SCARA3: variants seen among roughly 807,000 people sequenced by gnomAD.
SCARA3 encodes the protein scavenger receptor class A member 3.
A neutral mutation model predicts 47.0 loss-of-function variants in SCARA3; 39 were observed. The ratio of observed to expected loss-of-function variants is 0.83; its 90% confidence interval spans 0.64 to 1.08. The LOEUF (loss-of-function observed/expected upper bound fraction) is 1.08. Among genes scored for constraint, SCARA3 ranks in the 50% least tolerant of loss-of-function variants. The probability of loss-of-function intolerance (pLI) is 0.00; values close to 1 mark genes in which losing one functional copy is unlikely to be tolerated. For synonymous variants in SCARA3, 356 were observed against 334.1 expected (o/e 1.07, Z -0.71); for missense variants, 724 against 792.3 (o/e 0.91, Z 1.04).
At chr8:27,669,540 T>C (rs1433395248) in intron 5 of SCARA3, among the ~76,000 whole-genome samples, 5 of 152,252 alleles carry the variant, frequency 3.3e-5, no homozygotes, top group Non-Finnish European at 4.4e-5. Flanking sequence ...CCGGCTTCTC[T>C]GAGGCCAGGC....
the SCARA3 span, among the ~76,000 whole-genome samples, chr8:27,685,105 A>G: frequency 1.2e-4 from 18 of 152,334 alleles, no homozygotes; most frequent in Middle Eastern, 3.4e-3. Flanking sequence ...ATTGATCAAG[A>G]AAATGAAAAA....
chr8:27,687,957 A>G, the SCARA3 span, among the ~76,000 whole-genome samples: 2 of 152,158 alleles, frequency 1.3e-5, no homozygotes, highest in Admixed American at 1.3e-4. Flanking sequence ...CGGAGGTTGC[A>G]GTGAGCTGAG....
chr8:27,654,645 G>A (rs1801702610), intron 3 of SCARA3, among the ~76,000 whole-genome samples: 1 of 150,122 alleles, frequency 6.7e-6, no homozygotes, highest in African/African-American at 2.5e-5. Context: ...GCACATGCCA[G>A]TAGTCCTGGC....
the SCARA3 span, among the ~76,000 whole-genome samples, chr8:27,690,532 A>G: frequency 6.6e-6 from 1 of 152,218 alleles, no homozygotes; most frequent in Non-Finnish European, 1.5e-5. Flanking sequence ...AAATTATGAT[A>G]CATTTCTAAG....
downstream of SCARA3, among the ~76,000 whole-genome samples, chr8:27,677,599 C>G (rs1392424715): frequency 6.6e-6 from 1 of 152,148 alleles, no homozygotes; most frequent in African/African-American, 2.4e-5. Context: ...ACTACAGTAA[C>G]AAAGCTAAAA....
intron 5 of SCARA3, among the ~76,000 whole-genome samples, chr8:27,661,931 G>T (rs1000842773): frequency 6.6e-6 from 1 of 152,168 alleles, no homozygotes; most frequent in African/African-American, 2.4e-5. Flanking sequence ...TTGTGGAGTA[G>T]CAGTCCAATT....
the SCARA3 span, among the ~76,000 whole-genome samples, chr8:27,729,408 T>C: frequency 5.3e-5 from 8 of 152,154 alleles, no homozygotes; most frequent in Non-Finnish European, 7.4e-5. Flanking sequence ...AGCACCAGAA[T>C]GTACAGTCCT....
the SCARA3 span, among the ~76,000 whole-genome samples, chr8:27,692,285 TG>T: frequency 6.6e-6 from 1 of 152,080 alleles, no homozygotes; most frequent in Non-Finnish European, 1.5e-5. Flanking sequence ...CCGGGTGTGG[TG>T]GCACATGCCT....
chr8:27,733,100 G>A, the SCARA3 span, among the ~76,000 whole-genome samples: 1 of 152,148 alleles, frequency 6.6e-6, no homozygotes, highest in Non-Finnish European at 1.5e-5. Flanking sequence ...TCAGCTCTGG[G>A]TTCTTCAATC....
At chr8:27,699,711 T>C in the SCARA3 span, among the ~76,000 whole-genome samples, 4 of 152,120 alleles carry the variant, frequency 2.6e-5, no homozygotes, top group African/African-American at 9.7e-5. Context: ...GGAGGATCAC[T>C]TGATCCCAAA....
At chr8:27,721,619 G>A in the SCARA3 span, among the ~76,000 whole-genome samples, 9 of 152,102 alleles carry the variant, frequency 5.9e-5, no homozygotes, top group East Asian at 3.8e-4. Flanking sequence ...AGATGGTGTC[G>A]GTGAGACTGA....
chr8:27,651,353 G>A (rs1390222350), intron 2 of SCARA3, among the ~76,000 whole-genome samples, 155 bp from the exon 3 acceptor site: 4 of 152,244 alleles, frequency 2.6e-5, no homozygotes, highest in African/African-American at 7.2e-5. Context: ...AGAGAAAGGA[G>A]GTAGGACAGG....
At chr8:27,699,753 A>AC in the SCARA3 span, among the ~76,000 whole-genome samples, 1 of 152,068 alleles carries the variant, frequency 6.6e-6, no homozygotes, top group Non-Finnish European at 1.5e-5. Flanking sequence ...ATATAGTGAG[A>AC]CCCCAACTCT....
Position 27,671,525 on chromosome 8 carries a change from G to C in SCARA3, c.*174G>C. The C allele has an allele frequency of 7.8e-7, 1 of 1,287,384 alleles. No individual in the cohort carries two copies. Among genetic ancestry groups the C allele is most frequent in the Non-Finnish European group, 9.8e-7 (1 of 1,022,750 alleles). The allele number at this position is 1,287,384 out of a possible 1,614,324, so 79.7% of individuals were successfully genotyped here. A position where few individuals can be genotyped will look rare whatever the true frequency, so the allele number is the denominator to read the frequency against. ...CCCATAGTGACTGTGCCATAGGAAA[G>C]CAGCCCCTCCTCACACATACATGTG... On this transcript the variant is annotated 3_prime_UTR_variant, in exon 6 of 6. Transcript: ENST00000301904.
At chr8:27,678,531 C>T (rs547493120), downstream of SCARA3, among the ~76,000 whole-genome samples, 7 of 152,240 alleles carry the variant, frequency 4.6e-5, no homozygotes, top group African/African-American at 1.7e-4. Flanking sequence ...AAGCAATGAA[C>T]TTTATAGTTA....
At chr8:27,651,713 A>C in intron 3 of SCARA3, 86 bp downstream of exon 3, 1 of 1,538,196 alleles carries the variant, frequency 6.5e-7, no homozygotes, top group Non-Finnish European at 8.8e-7. Flanking sequence ...AAAGACAAAC[A>C]CTTGACATCT....
intron 3 of SCARA3, among the ~76,000 whole-genome samples, chr8:27,655,441 G>A (rs1054915292): frequency 5.9e-5 from 9 of 152,150 alleles, no homozygotes; most frequent in Non-Finnish European, 7.3e-5. Context: ...AAAGCCAGGC[G>A]TCCTGCTGCT....
At chr8:27,660,860 AG>A (rs1801899106) in intron 5 of SCARA3, among the ~76,000 whole-genome samples, 1 of 151,966 alleles carries the variant, frequency 6.6e-6, no homozygotes, top group East Asian at 1.9e-4. Context: ...ATAGATAGAT[AG>A]ATAGATAGAT....
chr8:27,731,914 T>C, the SCARA3 span, among the ~76,000 whole-genome samples: 1 of 152,120 alleles, frequency 6.6e-6, no homozygotes, highest in South Asian at 2.1e-4. Context: ...ATATTTTCTC[T>C]TTTTCAGTCT....
Sources: gnomAD v4.1 joint callset for allele counts (sites outside exome capture counted in the v4.1 genomes callset) on GRCh38, gnomAD v4.1.1 for gene constraint, MANE v1.5 for transcripts, NCBI Gene and HGNC (gene_info 2026-07-23, HGNC 2026-07-21) for gene names.